TTC13: variants seen among roughly 807,000 people sequenced by gnomAD.
The protein encoded by TTC13 is tetratricopeptide repeat domain 13, also known as tetratricopeptide repeat protein 13.
A neutral mutation model predicts 120.0 loss-of-function variants in TTC13; 62 were observed. The observed-to-expected ratio is 0.52, with a 90% CI of 0.42 to 0.64. TTC13 has a LOEUF of 0.64. Among genes scored for constraint, TTC13 ranks in the 30% least tolerant of loss-of-function variants. The pLI is 0.00. For synonymous variants in TTC13, 384 were observed against 393.5 expected (o/e 0.98, Z 0.28); for missense variants, 824 against 1,050.2 (o/e 0.78, Z 2.98).
chr1:230,939,219 C>T (rs1027121367), intron 8 of TTC13, among the ~76,000 whole-genome samples, 167 bp downstream of exon 8: 1 of 152,220 alleles, frequency 6.6e-6, no homozygotes, highest in African/African-American at 2.4e-5. Context: ...ATTTCTTCCA[C>T]TTATTAACCT....
intron 2 of TTC13, among the ~76,000 whole-genome samples, chr1:230,959,868 G>A (rs1303009148): frequency 1.3e-5 from 2 of 152,222 alleles, no homozygotes; most frequent in African/African-American, 2.4e-5. Context: ...CCTGAAAGCT[G>A]TATTGCCTGA....
intron 1 of TTC13, among the ~76,000 whole-genome samples, chr1:230,969,437 A>AGTTATTATATCC (rs1394579251): frequency 1.3e-5 from 2 of 152,178 alleles, no homozygotes; most frequent in African/African-American, 4.8e-5. Flanking sequence ...CTGGGCCATA[A>AGTTATTATATCC]AGCTGGATAC....
chr1:230,936,891 C>A (rs1674105560), intron 8 of TTC13, among the ~76,000 whole-genome samples: 1 of 152,226 alleles, frequency 6.6e-6, no homozygotes, highest in Admixed American at 6.5e-5. Flanking sequence ...ATCTGTGTAA[C>A]AGGGACACCC....
At chr1:230,951,791 ATG>A (rs1390533625) in intron 4 of TTC13, among the ~76,000 whole-genome samples, 2 of 152,202 alleles carry the variant, frequency 1.3e-5, no homozygotes, top group African/African-American at 4.8e-5. Flanking sequence ...GAGAATAATC[ATG>A]TGTGTGATAC....
intron 9 of TTC13, among the ~76,000 whole-genome samples, chr1:230,932,514 G>A (rs961722722): frequency 6.6e-6 from 1 of 152,136 alleles, no homozygotes; most frequent in African/African-American, 2.4e-5. Context: ...CCTGGGCTCA[G>A]GCGATGCTCC....
At position 230,953,410 on chromosome 1, in the gene TTC13, G is replaced by A. The variant is rs146806378; in HGVS notation, c.513+923C>T. ...GAAGGCATTTGTTGGCACTTGCTAC[G>A]GTTAACACAGATGAATATACCAGAA... On this transcript the variant is annotated intron_variant, in intron 4 of 22. Transcript: ENST00000366661. Among the ~76,000 whole-genome samples, 69 of 152,262 alleles carry A rather than the reference G, an allele frequency of 4.5e-4. 1 individual carries two copies. The East Asian group carries it at 0.013, about 28-fold the overall frequency.
At position 230,940,411 on chromosome 1, in the gene TTC13, A is replaced by G. The variant is rs757750085; in HGVS notation, c.789+29T>C. 1.4e-6 allele frequency: 2 copies of G among 1,428,166 alleles called. No individual in the cohort carries two copies. The highest frequency in any genetic ancestry group is 2.4e-5 in the South Asian group (2 of 84,870). 88.5% of individuals were successfully genotyped at this position (1,428,166 alleles called of 1,614,324 possible). Reference sequence around the variant, plus strand: ...GGAAAAATGAAATCTTCATCATCATAAAAATACTTCAAGACAAAAACCAGT... The same window carrying G: ...GGAAAAATGAAATCTTCATCATCATGAAAATACTTCAAGACAAAAACCAGT... On this transcript the variant is annotated intron_variant, in intron 7 of 22. Transcript: ENST00000366661. This position sits in a 1 kb window ranked among gnomAD's most constrained non-coding sequence, Gnocchi z 4.1.
intron 3 of TTC13, among the ~76,000 whole-genome samples, chr1:230,955,837 C>T (rs1234882046): frequency 6.6e-6 from 1 of 152,106 alleles, no homozygotes; most frequent in African/African-American, 2.4e-5. Context: ...CCCTTTTGCC[C>T]TACTTTCTTT....
At chr1:230,974,875 G>T (rs955953597) in intron 1 of TTC13, among the ~76,000 whole-genome samples, 1 of 152,178 alleles carries the variant, frequency 6.6e-6, no homozygotes, top group African/African-American at 2.4e-5. Flanking sequence ...TGTAGTCAAA[G>T]ACAAAATTCT....
intron 1 of TTC13, among the ~76,000 whole-genome samples, chr1:230,964,981 A>G (rs892094547): frequency 6.6e-6 from 1 of 152,212 alleles, no homozygotes. Flanking sequence ...TGAAATCTAA[A>G]TGGATTAAAG....
At position 230,906,857 on chromosome 1, in the gene TTC13, A is replaced by C. The variant is rs755224745; in HGVS notation, c.*48T>G. 1 of 890,596 alleles carries C rather than the reference A, an allele frequency of 1.1e-6. No individual in the cohort carries two copies. The highest frequency in any genetic ancestry group is 1.6e-6 in the Non-Finnish European group (1 of 624,346). The allele number at this position is 890,596 out of a possible 1,614,324, so 55.2% of individuals were successfully genotyped here. A position where few individuals can be genotyped will look rare whatever the true frequency, so the allele number is the denominator to read the frequency against. ...AATTCCATGTTTTAAAAAATAACTT[A>C]AGAAGCAAGAGGTCCGGCCCTTTAC... On this transcript the variant is annotated 3_prime_UTR_variant, in exon 23 of 23. Coordinates refer to ENST00000366661, the MANE Select transcript of TTC13 (RefSeq NM_024525.5).
At chr1:230,936,280 C>T (rs1450282726) in intron 8 of TTC13, 1 of 454,632 alleles carries the variant, frequency 2.2e-6, no homozygotes, top group East Asian at 7.0e-5. Context: ...AAAGAGGGGA[C>T]ATAGTAGAAT....
intron 18 of TTC13, among the ~76,000 whole-genome samples, chr1:230,914,613 T>C (rs1279575115): frequency 6.6e-6 from 1 of 152,162 alleles, no homozygotes; most frequent in Admixed American, 6.5e-5. Context: ...CAGGCTGGTC[T>C]CGAACTCCTG....
rs1672970128 is a variant in TTC13, at chr1:230,925,449, C to G, written c.1588+68G>C. 2.6e-6 allele frequency: 4 copies of G among 1,559,122 alleles called. No individual in the cohort carries two copies. The Admixed American group carries it at 6.8e-5, about 27-fold the overall frequency. On this transcript the variant is annotated intron_variant, in intron 13 of 22. Transcript: ENST00000366661. Reference sequence around the variant, plus strand: ...ATAAATACTAATTTATTAAAATGCACAACATGGCTTAACCACCCTTCCTCT... The same window carrying G: ...ATAAATACTAATTTATTAAAATGCAGAACATGGCTTAACCACCCTTCCTCT...
chr1:230,911,582 A>G lies in TTC13; in HGVS notation c.2230-33T>C, dbSNP rs780921492. 16 of 1,399,896 alleles carry G rather than the reference A, an allele frequency of 1.1e-5. No homozygotes were observed. The East Asian group carries it at 3.8e-4, about 33-fold the overall frequency. 86.7% of individuals were successfully genotyped at this position (1,399,896 alleles called of 1,614,324 possible). A position where few individuals can be genotyped will look rare whatever the true frequency, so the allele number is the denominator to read the frequency against. ...AAAAAGATACAGACTCATAAATACT[A>G]TAAAGATTACAAACTAATTTTTCAT... On this transcript the variant is annotated intron_variant, in intron 19 of 22. Coordinates refer to ENST00000366661, the MANE Select transcript of TTC13 (RefSeq NM_024525.5).
At chr1:230,951,168 A>C (rs1238972940) in intron 4 of TTC13, among the ~76,000 whole-genome samples, 1 of 152,250 alleles carries the variant, frequency 6.6e-6, no homozygotes, top group East Asian at 1.9e-4. Context: ...CCAAGACAAC[A>C]GGAAAGGTAT....
At chr1:230,926,814 A>G (rs1485885861) in intron 12 of TTC13, among the ~76,000 whole-genome samples, 1 of 152,232 alleles carries the variant, frequency 6.6e-6, no homozygotes. Flanking sequence ...ACCCAGTTTA[A>G]GAACTAGAGC....
intron 1 of TTC13, among the ~76,000 whole-genome samples, chr1:230,963,951 T>G (rs1676892178): frequency 1.3e-5 from 2 of 152,188 alleles, no homozygotes; most frequent in African/African-American, 4.8e-5. Context: ...GGCAGATGGT[T>G]GGAGAATAAT....
At chr1:230,965,386 A>G (rs1227965697) in intron 1 of TTC13, among the ~76,000 whole-genome samples, 5 of 152,244 alleles carry the variant, frequency 3.3e-5, no homozygotes, top group Non-Finnish European at 7.3e-5. Context: ...AACATCATTG[A>G]TCATCAAAAA....
Sources: allele counts gnomAD v4.1 joint callset (sites outside exome capture counted in the v4.1 genomes callset), GRCh38; gene constraint gnomAD v4.1.1; non-coding constraint Gnocchi (gnomAD v3.1); transcripts MANE v1.5; gene names NCBI Gene and HGNC (gene_info 2026-07-23, HGNC 2026-07-21).